PCLO: variants seen among roughly 807,000 people sequenced by gnomAD.
PCLO encodes protein piccolo.
In PCLO, 82 loss-of-function variants were observed where a neutral mutation model predicts 427.5. The ratio of observed to expected loss-of-function variants is 0.19; its 90% confidence interval spans 0.16 to 0.23. PCLO has a LOEUF of 0.23. Ranked by LOEUF, PCLO falls within the 10% of genes least tolerant of loss-of-function variation. The pLI is 1.00. For missense variants in PCLO, 6,239 were observed against 6,115.9 expected (o/e 1.02, Z -0.67); for synonymous variants, 2,357 against 2,155.4 (o/e 1.09, Z -2.59).
intron 10 of PCLO, among the ~76,000 whole-genome samples, chr7:82,852,956 G>A (rs372672936): frequency 6.6e-6 from 1 of 152,028 alleles, no homozygotes; most frequent in East Asian, 1.9e-4. Flanking sequence ...TACATATGGA[G>A]TGAGAACACG....
rs1451063477 is a variant in PCLO at position 83,110,434 on chromosome 7, C to T, written c.3300+23816G>A. On this transcript the variant is annotated intron_variant, in intron 3 of 24. Coordinates refer to ENST00000333891, the MANE Select transcript of PCLO (RefSeq NM_033026.6). ...GTCTCTTTTCTTGTTTTCAAAATGC[C>T]CTCTCCTAGTTTTCCCTTTTTGCCT... is the stretch of plus-strand genomic sequence containing the variant. 2.6e-5 allele frequency among the ~76,000 whole-genome samples: 4 copies of T among 151,792 alleles called. No individual in the cohort carries two copies. In the East Asian group the frequency reaches 7.7e-4, roughly 29 times the overall value.
chr7:82,946,870 C>T (rs929202299), intron 6 of PCLO, among the ~76,000 whole-genome samples: 2 of 152,098 alleles, frequency 1.3e-5, no homozygotes, highest in Non-Finnish European at 1.5e-5. Flanking sequence ...GAACTGATGG[C>T]AGTAAGGGCA....
chr7:82,931,395 T>C (rs7806575), intron 6 of PCLO, among the ~76,000 whole-genome samples: 4,485 of 152,218 alleles, frequency 0.029, 228 homozygotes, highest in African/African-American at 0.1. Context: ...CCTCAAAATT[T>C]AGTGGCTTAA....
intron 3 of PCLO, among the ~76,000 whole-genome samples, chr7:83,018,619 G>C (rs1194281242): frequency 6.6e-6 from 1 of 151,858 alleles, no homozygotes; most frequent in African/African-American, 2.4e-5. Context: ...ATTTCAATTA[G>C]AGACATACAA....
intron 3 of PCLO, among the ~76,000 whole-genome samples, chr7:83,068,733 A>C (rs1789733487): frequency 6.6e-6 from 1 of 152,220 alleles, no homozygotes; most frequent in African/African-American, 2.4e-5. Flanking sequence ...CAAAAAATTA[A>C]AAATAGAACT....
At chr7:82,879,244 A>C in intron 10 of PCLO, 93 bp downstream of exon 10, 1 of 1,134,334 alleles carries the variant, frequency 8.8e-7, no homozygotes, top group Non-Finnish European at 1.2e-6. Context: ...GTTTACCTAC[A>C]CAGAGAAGGA....
At chr7:82,851,809 G>A (rs1260884810) in intron 10 of PCLO, among the ~76,000 whole-genome samples, 2 of 152,080 alleles carry the variant, frequency 1.3e-5, no homozygotes, top group South Asian at 2.1e-4. Flanking sequence ...CTCCCCTGGC[G>A]GACTCAACAG....
At chr7:83,009,803 T>C (rs1788035639) in intron 3 of PCLO, among the ~76,000 whole-genome samples, 1 of 151,968 alleles carries the variant, frequency 6.6e-6, no homozygotes, top group Non-Finnish European at 1.5e-5. Flanking sequence ...TATCTACAGA[T>C]TGCCTATGCA....
chr7:82,808,799 T>G (rs542292311), intron 20 of PCLO, among the ~76,000 whole-genome samples: 1 of 151,912 alleles, frequency 6.6e-6, no homozygotes, highest in Non-Finnish European at 1.5e-5. Flanking sequence ...GGTGCTGGAT[T>G]AAATTCTGTA....
At chr7:83,143,629 T>G (rs1168644547) in intron 2 of PCLO, among the ~76,000 whole-genome samples, 1 of 146,058 alleles carries the variant, frequency 6.8e-6, no homozygotes, top group Non-Finnish European at 1.5e-5. Flanking sequence ...TTAATATGTT[T>G]GTCAGGATTG....
chr7:83,049,005 G>C (rs1482703834), intron 3 of PCLO, among the ~76,000 whole-genome samples: 1 of 152,106 alleles, frequency 6.6e-6, no homozygotes, highest in East Asian at 1.9e-4. Flanking sequence ...GCTTAGTCAT[G>C]GTTGAATGTG....
chr7:82,821,018 A>AT, intron 20 of PCLO: 2 of 1,210,872 alleles, frequency 1.7e-6, no homozygotes, highest in Non-Finnish European at 2.1e-6. Flanking sequence ...GTGGATAAAC[A>AT]TATTTTATCA....
intron 18 of PCLO, among the ~76,000 whole-genome samples, chr7:82,825,655 T>C (rs1437385975): frequency 6.7e-6 from 1 of 148,234 alleles, no homozygotes; most frequent in Non-Finnish European, 1.5e-5. Flanking sequence ...ATGTATAGTA[T>C]ATATACATTG....
intron 3 of PCLO, 121 bp from the exon 4 acceptor site, chr7:82,966,608 G>A: frequency 2.0e-6 from 1 of 506,350 alleles, no homozygotes; most frequent in Non-Finnish European, 3.3e-6. Context: ...GAGAAGGTGG[G>A]TCACTGTTTT....
In PCLO at chr7:82,916,786, T is replaced by C; in HGVS notation, c.11200A>G (p.Thr3734Ala). The C allele has an allele frequency of 6.2e-7, 1 of 1,613,538 alleles. No individual in the cohort carries two copies. Among genetic ancestry groups the C allele is most frequent in the Non-Finnish European group, 8.5e-7 (1 of 1,179,542 alleles). ...LPNPPPEEISTGTQSTFSTMG... is the reference protein window; with the variant it reads ...LPNPPPEEISAGTQSTFSTMG... ...GTGCTGAATGTGGATTGAGTTCCTGTGGAAATCTCCTCAGGAGGTGGATTT... is the reference window on the plus strand; with the variant it reads ...GTGCTGAATGTGGATTGAGTTCCTGCGGAAATCTCCTCAGGAGGTGGATTT... Residue 3734 changes from threonine (T) to alanine (A), a missense_variant, in exon 7 of 25, where the codon ACA (threonine) becomes GCA (alanine). Thr to Ala is a moderately conservative substitution (Grantham distance 58, BLOSUM62 0). Transcript: ENST00000333891.
chr7:83,004,793 CA>C (rs1210219309), intron 3 of PCLO, among the ~76,000 whole-genome samples: 1 of 150,602 alleles, frequency 6.6e-6, no homozygotes, highest in African/African-American at 2.4e-5. Context: ...TGCTAATATC[CA>C]AAAAAAATAA....
intron 10 of PCLO, among the ~76,000 whole-genome samples, chr7:82,879,032 C>T (rs762563035): frequency 2.0e-5 from 3 of 152,082 alleles, no homozygotes; most frequent in Admixed American, 2.0e-4. Context: ...GTTTGTGAAA[C>T]ATTATCACAG....
chr7:82,918,459 T>C (rs1483902509), intron 6 of PCLO, among the ~76,000 whole-genome samples: 1 of 152,012 alleles, frequency 6.6e-6, no homozygotes, highest in Non-Finnish European at 1.5e-5. Context: ...ATTCTTTCAC[T>C]TGTAAAAAAG....
intron 22 of PCLO, among the ~76,000 whole-genome samples, chr7:82,797,958 A>C (rs575149363): frequency 1.3e-5 from 2 of 152,268 alleles, no homozygotes; most frequent in African/African-American, 2.4e-5. Context: ...GAACATGGCT[A>C]TTTAACATTA....
Sources: gnomAD v4.1 joint callset for allele counts (sites outside exome capture counted in the v4.1 genomes callset) on GRCh38, gnomAD v4.1.1 for gene constraint, MANE v1.5 for transcripts, NCBI Gene and HGNC (gene_info 2026-07-23, HGNC 2026-07-21) for gene names.